ATRN: variants seen among roughly 807,000 people sequenced by gnomAD.
ATRN encodes attractin-2.
A neutral mutation model predicts 178.7 loss-of-function variants in ATRN; 54 were observed. The observed-to-expected ratio is 0.30, with a 90% confidence interval of 0.24 to 0.38. The LOEUF is 0.38. Ranked by LOEUF, ATRN falls within the 10% of genes least tolerant of loss-of-function variation. The pLI, the probability that ATRN is intolerant of heterozygous loss-of-function variation, is 1.00. For synonymous variants in ATRN, 636 were observed against 663.0 expected, an observed-to-expected ratio of 0.96 and a Z score of 0.63; for missense variants, 1,443 against 1,815.1, an observed-to-expected ratio of 0.79 and a Z score of 3.73.
intron 24 of ATRN, among the ~76,000 whole-genome samples, chr20:3,609,748 G>A: frequency 6.8e-6 from 1 of 146,390 alleles, no homozygotes; most frequent in South Asian, 2.1e-4. Context: ...GTGTGTGTGT[G>A]TGTATAAAAT....
chr20:3,592,816 C>T (rs2146274428), intron 19 of ATRN, among the ~76,000 whole-genome samples: 1 of 152,298 alleles, frequency 6.6e-6, no homozygotes, highest in South Asian at 2.1e-4. Context: ...ACATGTTCCA[C>T]AGGATACTAG....
chr20:3,485,421 TC>T (rs1398438073), intron 1 of ATRN, among the ~76,000 whole-genome samples: 2 of 152,148 alleles, frequency 1.3e-5, no homozygotes, highest in Non-Finnish European at 1.5e-5. Flanking sequence ...ATGGAATAGT[TC>T]CCTGCACATA....
chr20:3,624,679 C>T (rs2086923010), intron 25 of ATRN, 107 bp downstream of exon 25: 2 of 972,762 alleles, frequency 2.1e-6, no homozygotes, highest in East Asian at 2.4e-5. Flanking sequence ...GTGTTTCCAC[C>T]ACAGATTAAA....
intron 1 of ATRN, among the ~76,000 whole-genome samples, chr20:3,476,493 T>G (rs1599993222): frequency 6.6e-6 from 1 of 152,246 alleles, no homozygotes; most frequent in South Asian, 2.1e-4. Context: ...GCTAACATTT[T>G]AAAAATCTTA....
At chr20:3,624,407 T>G in intron 24 of ATRN, 104 bp from the exon 25 acceptor site, 7 of 1,092,444 alleles carry the variant, frequency 6.4e-6, no homozygotes, top group Non-Finnish European at 9.6e-6. Flanking sequence ...CTTAACTTCT[T>G]TAAAATGTAA....
At chr20:3,598,039 T>C (rs1264180206) in intron 22 of ATRN, 39 bp downstream of exon 22, 4 of 1,345,584 alleles carry the variant, frequency 3.0e-6, no homozygotes, top group South Asian at 1.2e-5. Flanking sequence ...GTTTTGAATT[T>C]GTATGGATCT....
rs78650475 is a variant in ATRN at position 3,501,113 on chromosome 20, A to G, written c.410+29596A>G. On this transcript the variant is annotated intron_variant, in intron 1 of 28. Coordinates refer to ENST00000262919, the MANE Select transcript of ATRN (RefSeq NM_139321.3). ...TTTTAGTAATCGTATAACTGGTATT[A>G]TTGGTATTGTTCTGGAAGCATGCAT... Among the ~76,000 whole-genome samples the G allele has an allele frequency of 9.4e-3, 1,436 of 152,244 alleles. 43 individuals carry two copies. In the East Asian group the frequency reaches 0.099, roughly 10 times the overall value.
intron 27 of ATRN, among the ~76,000 whole-genome samples, chr20:3,643,385 G>A (rs6139174): frequency 2.0e-5 from 3 of 152,078 alleles, no homozygotes; most frequent in Non-Finnish European, 4.4e-5. Context: ...ACTAATATAA[G>A]CTGGGTGCGG....
chr20:3,490,800 T>C (rs1226632598), intron 1 of ATRN: 4 of 797,006 alleles, frequency 5.0e-6, no homozygotes, highest in South Asian at 1.3e-5. Flanking sequence ...TGAAATGGCA[T>C]TGAGTTCCTC....
At position 3,638,764 on chromosome 20, in the gene ATRN, G is replaced by C; in HGVS notation, c.3943-64G>C. 2 of 1,387,016 alleles carry C rather than the reference G, an allele frequency of 1.4e-6. No homozygotes were observed. Among genetic ancestry groups the C allele is most frequent in the Non-Finnish European group, 2.0e-6 (2 of 983,396 alleles). 85.9% of individuals were successfully genotyped at this position (1,387,016 alleles called of 1,614,324 possible). On this transcript the variant is annotated intron_variant, in intron 26 of 28. Transcript: ENST00000262919. This position sits in a 1 kb window ranked among gnomAD's most constrained non-coding sequence, Gnocchi z 4.5. The stretch of plus-strand genomic sequence containing the variant: ...GAGGATGAGGTGTTTTTAACATGTA[G>C]CATTAACTAATAAAACCCCTTCAGT...
chr20:3,511,433 A>G (rs1251958451), intron 1 of ATRN, among the ~76,000 whole-genome samples: 4 of 151,948 alleles, frequency 2.6e-5, no homozygotes, highest in African/African-American at 4.8e-5. Context: ...GATTTTTTTT[A>G]GTAGGTTTTT....
intron 1 of ATRN, among the ~76,000 whole-genome samples, chr20:3,517,275 A>G (rs1198401735): frequency 1.3e-5 from 2 of 152,140 alleles, no homozygotes; most frequent in African/African-American, 4.8e-5. Flanking sequence ...AATAGGTTAC[A>G]TATAATATGT....
intron 1 of ATRN, among the ~76,000 whole-genome samples, chr20:3,515,970 C>T (rs1473805639): frequency 1.3e-5 from 2 of 152,176 alleles, no homozygotes; most frequent in Non-Finnish European, 2.9e-5. Context: ...ATTAGTTATT[C>T]TTTCTACAAC....
In ATRN at chr20:3,515,585, G is replaced by A. The variant is rs180792407; in HGVS notation, c.411-19668G>A. Among the ~76,000 whole-genome samples, 141 of 152,356 alleles carry A rather than the reference G, an allele frequency of 9.3e-4. 1 individual carries two copies. The highest frequency in any genetic ancestry group is 3.2e-3 in the African/African-American group (133 of 41,582). On this transcript the variant is annotated intron_variant, in intron 1 of 28. Coordinates refer to ENST00000262919, the MANE Select transcript of ATRN (RefSeq NM_139321.3). The stretch of plus-strand genomic sequence containing the variant: ...ATTTCAGAGGAGGGTAAGGGTTAAA[G>A]TCCAGTTGGAGTTGGTTAAGAAATT...
intron 1 of ATRN, among the ~76,000 whole-genome samples, chr20:3,489,234 T>C (rs2084744354): frequency 6.6e-6 from 1 of 152,248 alleles, no homozygotes; most frequent in Non-Finnish European, 1.5e-5. Flanking sequence ...GTGCTGGCAT[T>C]ACAGGTGTGA....
intron 1 of ATRN, among the ~76,000 whole-genome samples, chr20:3,511,533 G>T (rs956242577): frequency 6.6e-6 from 1 of 151,848 alleles, no homozygotes; most frequent in Non-Finnish European, 1.5e-5. Flanking sequence ...AGGAGGTCGA[G>T]AAACTATACA....
chr20:3,499,700 CT>C (rs1376057022), intron 1 of ATRN, among the ~76,000 whole-genome samples: 3 of 148,492 alleles, frequency 2.0e-5, no homozygotes, highest in African/African-American at 7.6e-5. Flanking sequence ...GGATTAAAGA[CT>C]TAAACGTTAG....
chr20:3,579,905 G>A (rs545362213), intron 15 of ATRN, among the ~76,000 whole-genome samples: 1 of 152,246 alleles, frequency 6.6e-6, no homozygotes, highest in East Asian at 1.9e-4. Context: ...CACCTATAGG[G>A]CCATTCTGAG....
At chr20:3,481,531 A>C (rs891442056) in intron 1 of ATRN, among the ~76,000 whole-genome samples, 1 of 152,042 alleles carries the variant, frequency 6.6e-6, no homozygotes, top group Admixed American at 6.6e-5. Flanking sequence ...AATTTTGTGG[A>C]GATGAGGTCT....
Sources: gnomAD v4.1 joint callset for allele counts (sites outside exome capture counted in the v4.1 genomes callset) on GRCh38, gnomAD v4.1.1 for gene constraint, Gnocchi (gnomAD v3.1) non-coding constraint, MANE v1.5 for transcripts, NCBI Gene and HGNC (gene_info 2026-07-23, HGNC 2026-07-21) for gene names.